FHIT: variants seen among roughly 807,000 people sequenced by gnomAD.
The protein encoded by FHIT is bis(5'-adenosyl)-triphosphatase.
In FHIT, 19 loss-of-function variants were observed where a neutral mutation model predicts 17.9. The observed-to-expected ratio is 1.06, with a 90% confidence interval of 0.74 to 1.56. FHIT has a LOEUF of 1.56. FHIT is among the 40% of genes most tolerant of loss of function. The pLI, the probability that FHIT is intolerant of heterozygous loss-of-function variation, is 0.00. For missense variants in FHIT, 248 were observed against 189.2 expected (o/e 1.31, Z -1.82); for synonymous variants, 81 against 69.7 (o/e 1.16, Z -0.81).
intron 5 of FHIT, among the ~76,000 whole-genome samples, chr3:60,260,821 TG>T: frequency 6.6e-6 from 1 of 152,078 alleles, no homozygotes; most frequent in East Asian, 1.9e-4. Context: ...GAAACCAAGA[TG>T]GTGATAAAAG....
At chr3:61,239,530 G>C (rs745972926) in intron 1 of FHIT, among the ~76,000 whole-genome samples, 1 of 151,760 alleles carries the variant, frequency 6.6e-6, no homozygotes, top group Non-Finnish European at 1.5e-5. Context: ...TATCTCAATA[G>C]GTTACTCATC....
intron 4 of FHIT, among the ~76,000 whole-genome samples, chr3:60,777,519 G>A (rs1700248333): frequency 6.6e-6 from 1 of 152,192 alleles, no homozygotes; most frequent in Non-Finnish European, 1.5e-5. Context: ...TTAAGAGAGA[G>A]CAGGTTATAA....
intron 7 of FHIT, among the ~76,000 whole-genome samples, chr3:59,928,652 C>T (rs1450492618): frequency 2.0e-5 from 3 of 152,134 alleles, no homozygotes; most frequent in African/African-American, 7.2e-5. Context: ...ATCCTTAGCC[C>T]AAAACCACAA....
At chr3:59,887,460 T>A (rs1703675552) in intron 8 of FHIT, among the ~76,000 whole-genome samples, 1 of 152,176 alleles carries the variant, frequency 6.6e-6, no homozygotes, top group Non-Finnish European at 1.5e-5. Context: ...CAGCCCCCTC[T>A]GGCTGCAGCA....
At chr3:60,350,330 C>T (rs1711023874) in intron 5 of FHIT, among the ~76,000 whole-genome samples, 1 of 152,060 alleles carries the variant, frequency 6.6e-6, no homozygotes, top group African/African-American at 2.4e-5. Context: ...AAGCCCATAT[C>T]CCAACTAAAA....
intron 7 of FHIT, among the ~76,000 whole-genome samples, chr3:60,002,559 G>A (rs911317244): frequency 5.3e-5 from 8 of 152,180 alleles, no homozygotes; most frequent in African/African-American, 1.9e-4. Flanking sequence ...TGTTTGGCCT[G>A]AGGGCCATTA....
intron 8 of FHIT, among the ~76,000 whole-genome samples, chr3:59,825,141 C>T (rs4679614): frequency 0.72 from 110,155 of 152,138 alleles, 41,907 homozygotes; most frequent in East Asian, 0.97. Context: ...GCATCCCTTC[C>T]TGCTGATTTG....
chr3:60,065,012 C>CAA (rs1273451579), intron 5 of FHIT, among the ~76,000 whole-genome samples: 2 of 152,138 alleles, frequency 1.3e-5, no homozygotes, highest in African/African-American at 4.8e-5. Flanking sequence ...CAGCTGGCCT[C>CAA]AAAGGCACTA....
At chr3:60,065,057 T>C (rs957201664) in intron 5 of FHIT, among the ~76,000 whole-genome samples, 7 of 152,196 alleles carry the variant, frequency 4.6e-5, no homozygotes, top group Non-Finnish European at 1.0e-4. Flanking sequence ...TCAAGTCTCA[T>C]GCCTTGCCCT....
At chr3:60,285,887 T>C (rs768840246) in intron 5 of FHIT, among the ~76,000 whole-genome samples, 3 of 152,244 alleles carry the variant, frequency 2.0e-5, no homozygotes, top group Non-Finnish European at 4.4e-5. Flanking sequence ...CTTTTCTTTA[T>C]GCTAGATACA....
At chr3:60,225,788 T>C (rs576504002) in intron 5 of FHIT, among the ~76,000 whole-genome samples, 11 of 152,002 alleles carry the variant, frequency 7.2e-5, no homozygotes, top group East Asian at 1.9e-4. Flanking sequence ...GGGGAGCAAA[T>C]AGATGACCTC....
Position 60,448,710 on chromosome 3 carries a change from C to T in FHIT, c.103+88150G>A, listed in dbSNP as rs763297720. Among the ~76,000 whole-genome samples the T allele has an allele frequency of 3.0e-4, 45 of 152,128 alleles. 1 individual carries two copies. The highest frequency in any genetic ancestry group is 2.8e-3 in the Admixed American group (42 of 15,246). Reference sequence around the variant, plus strand: ...TCCCTGCACTTTAAGAATGTAACTACGGATTATGGACACGTGCCTTTCCTA... The same window carrying T: ...TCCCTGCACTTTAAGAATGTAACTATGGATTATGGACACGTGCCTTTCCTA... On this transcript the variant is annotated intron_variant, in intron 5 of 9. Transcript: ENST00000492590.
At chr3:60,216,782 G>T (rs1351214985) in intron 5 of FHIT, among the ~76,000 whole-genome samples, 1 of 152,126 alleles carries the variant, frequency 6.6e-6, no homozygotes, top group Non-Finnish European at 1.5e-5. Flanking sequence ...ACATGTTCCA[G>T]TGTCTGCTTA....
At chr3:60,689,841 T>C (rs905037686) in intron 4 of FHIT, among the ~76,000 whole-genome samples, 1 of 152,194 alleles carries the variant, frequency 6.6e-6, no homozygotes, top group Non-Finnish European at 1.5e-5. Context: ...TATTTAATGC[T>C]TATTAAAGCA....
chr3:60,122,106 G>C (rs559084950), intron 5 of FHIT, among the ~76,000 whole-genome samples: 1 of 144,246 alleles, frequency 6.9e-6, no homozygotes, highest in East Asian at 2.0e-4. Context: ...AAGAGAAATT[G>C]CAACTAAAAA....
At chr3:60,888,354 G>A (rs556279800) in intron 3 of FHIT, among the ~76,000 whole-genome samples, 6 of 152,268 alleles carry the variant, frequency 3.9e-5, no homozygotes, top group African/African-American at 1.2e-4. Context: ...AGGGAAAGCC[G>A]CTACACATTC....
In FHIT at chr3:60,802,368, C is replaced by A. The variant is rs115353110; in HGVS notation, c.-18+19551G>T. On this transcript the variant is annotated intron_variant, in intron 4 of 9. Transcript: ENST00000492590. ...TTGCAGACATAATCACATGCATCCC[C>A]TATCAGATCCACCACTATACTGTCA... Among the ~76,000 whole-genome samples, 8 of 152,292 alleles carry A rather than the reference C, an allele frequency of 5.3e-5. No individual in the cohort carries two copies. The East Asian group carries it at 1.5e-3, about 29-fold the overall frequency.
intron 5 of FHIT, among the ~76,000 whole-genome samples, chr3:60,473,249 C>A (rs552963111): frequency 6.6e-6 from 1 of 152,080 alleles, no homozygotes; most frequent in African/African-American, 2.4e-5. Flanking sequence ...CTGGCTTCTT[C>A]GATAAAATTC....
At chr3:60,924,525 C>G (rs1707470553) in intron 3 of FHIT, among the ~76,000 whole-genome samples, 1 of 152,154 alleles carries the variant, frequency 6.6e-6, no homozygotes, top group South Asian at 2.1e-4. Context: ...AACTAACAAA[C>G]AGAAAGGACA....
Sources: allele counts gnomAD v4.1 joint callset (sites outside exome capture counted in the v4.1 genomes callset), GRCh38; gene constraint gnomAD v4.1.1; transcripts MANE v1.5; gene names NCBI Gene and HGNC (gene_info 2026-07-23, HGNC 2026-07-21).